ST6GAL1: variants seen among roughly 807,000 people sequenced by gnomAD.
The protein encoded by ST6GAL1 is ST6 beta-galactoside alpha-2,6-sialyltransferase 1, also known as beta-galactoside alpha-2,6-sialyltransferase 1.
A neutral mutation model predicts 38.0 loss-of-function variants in ST6GAL1; 20 were observed. The observed-to-expected ratio is 0.53, with a 90% CI of 0.37 to 0.77. The LOEUF (loss-of-function observed/expected upper bound fraction) is 0.77, where lower values mean the gene tolerates loss of function less well. ST6GAL1 is among the 30% of genes least tolerant of loss of function. The pLI is 0.00. For synonymous variants in ST6GAL1, 196 were observed against 188.2 expected, an observed-to-expected ratio of 1.04 and a Z score of -0.34; for missense variants, 432 against 496.4, an observed-to-expected ratio of 0.87 and a Z score of 1.23.
intron 2 of ST6GAL1, among the ~76,000 whole-genome samples, chr3:186,977,905 C>A (rs1387221678): frequency 1.3e-5 from 2 of 152,104 alleles, no homozygotes; most frequent in Non-Finnish European, 2.9e-5. Context: ...CTTGTTATTG[C>A]CATTTAATAG....
At chr3:186,932,213 C>G (rs537798620) in intron 1 of ST6GAL1, among the ~76,000 whole-genome samples, 4 of 152,158 alleles carry the variant, frequency 2.6e-5, no homozygotes, top group Non-Finnish European at 2.9e-5. Context: ...ATCTAGGGAG[C>G]CTTCTCATTT....
intron 1 of ST6GAL1, among the ~76,000 whole-genome samples, chr3:186,953,472 G>A (rs1283382693): frequency 6.6e-6 from 1 of 152,074 alleles, no homozygotes; most frequent in Non-Finnish European, 1.5e-5. Context: ...TGTCAAACAG[G>A]CCATTTGACA....
chr3:187,068,838 G>A (rs1177435622), intron 5 of ST6GAL1, among the ~76,000 whole-genome samples: 1 of 152,226 alleles, frequency 6.6e-6, no homozygotes, highest in East Asian at 1.9e-4. Context: ...AAGACACTTT[G>A]CTTTTAATAT....
intron 1 of ST6GAL1, 47 bp downstream of exon 1, chr3:186,930,881 G>T: frequency 6.5e-6 from 1 of 153,364 alleles, no homozygotes; most frequent in South Asian, 2.0e-4. Context: ...GGCTATCCCG[G>T]GAGGAGTGTG....
intron 2 of ST6GAL1, among the ~76,000 whole-genome samples, chr3:187,026,196 CA>C (rs895469138): frequency 3.5e-4 from 54 of 152,206 alleles, no homozygotes; most frequent in Non-Finnish European, 8.8e-5. Context: ...CGCTTTTGAG[CA>C]AAACGGTGAC....
intron 2 of ST6GAL1, among the ~76,000 whole-genome samples, chr3:186,991,433 G>A (rs1001395705): frequency 6.6e-6 from 1 of 152,108 alleles, no homozygotes; most frequent in Non-Finnish European, 1.5e-5. Flanking sequence ...CACAGGGAAG[G>A]GTTCCTAACT....
At chr3:187,023,558 A>G (rs1046885592) in intron 2 of ST6GAL1, among the ~76,000 whole-genome samples, 4 of 152,238 alleles carry the variant, frequency 2.6e-5, no homozygotes, top group Non-Finnish European at 4.4e-5. Context: ...TGCAGCCATG[A>G]AAAATGATGA....
intron 2 of ST6GAL1, among the ~76,000 whole-genome samples, chr3:186,993,587 TA>T (rs750824343): frequency 0.13 from 17,036 of 135,868 alleles, 1,090 homozygotes; most frequent in Non-Finnish European, 0.16. Flanking sequence ...TTTATTTATT[TA>T]TTTATTTATT....
At chr3:187,009,818 A>G (rs1716898783) in intron 2 of ST6GAL1, among the ~76,000 whole-genome samples, 1 of 152,072 alleles carries the variant, frequency 6.6e-6, no homozygotes, top group South Asian at 2.1e-4. Flanking sequence ...ACCCTGGCCA[A>G]GATGCTGAAA....
intron 5 of ST6GAL1, among the ~76,000 whole-genome samples, chr3:187,065,495 C>CT (rs1403222148): frequency 6.6e-6 from 1 of 152,144 alleles, no homozygotes; most frequent in African/African-American, 2.4e-5. Flanking sequence ...CCAGGTGTGG[C>CT]TATGAGAGTC....
intron 2 of ST6GAL1, among the ~76,000 whole-genome samples, chr3:186,973,753 C>G (rs1051664067): frequency 1.3e-5 from 2 of 152,154 alleles, no homozygotes; most frequent in African/African-American, 4.8e-5. Context: ...TCATGAACAC[C>G]CAGCTGTAGG....
At chr3:187,069,394 A>C (rs559804068) in intron 5 of ST6GAL1, among the ~76,000 whole-genome samples, 20 of 152,260 alleles carry the variant, frequency 1.3e-4, no homozygotes, top group African/African-American at 4.6e-4. Flanking sequence ...TCATCCTTGA[A>C]CTTCAAATTT....
chr3:187,018,892 A>G (rs1717205222), intron 2 of ST6GAL1, among the ~76,000 whole-genome samples: 1 of 152,214 alleles, frequency 6.6e-6, no homozygotes, highest in Non-Finnish European at 1.5e-5. Flanking sequence ...CAGGGCCTCC[A>G]GAGATCCACC....
At chr3:187,019,016 T>C (rs1042006724) in intron 2 of ST6GAL1, among the ~76,000 whole-genome samples, 1 of 152,214 alleles carries the variant, frequency 6.6e-6, no homozygotes, top group Non-Finnish European at 1.5e-5. Context: ...ATCAACTGAC[T>C]GTGGTAGTCG....
At chr3:186,947,544 CGTTTAT>C (rs1217876674) in intron 1 of ST6GAL1, among the ~76,000 whole-genome samples, 1 of 151,862 alleles carries the variant, frequency 6.6e-6, no homozygotes, top group Non-Finnish European at 1.5e-5. Flanking sequence ...TATACATTTA[CGTTTAT>C]GTTTAGATTG....
At chr3:187,000,292 G>A (rs1392966110) in intron 2 of ST6GAL1, among the ~76,000 whole-genome samples, 2 of 151,904 alleles carry the variant, frequency 1.3e-5, no homozygotes, top group East Asian at 3.9e-4. Flanking sequence ...GCTCACGTCT[G>A]TAATCTCAGC....
At chr3:187,004,313 TG>T in intron 2 of ST6GAL1, among the ~76,000 whole-genome samples, 1 of 152,340 alleles carries the variant, frequency 6.6e-6, no homozygotes, top group South Asian at 2.1e-4. Flanking sequence ...TTTATAGCAA[TG>T]GAAGAACAGA....
At chr3:186,979,545 A>G (rs190380455) in intron 2 of ST6GAL1, among the ~76,000 whole-genome samples, 36 of 152,270 alleles carry the variant, frequency 2.4e-4, no homozygotes, top group African/African-American at 8.7e-4. Context: ...GTCGAAACAG[A>G]GACAGGAGGA....
At chr3:187,073,957 T>C in intron 6 of ST6GAL1, 1 of 447,326 alleles carries the variant, frequency 2.2e-6, no homozygotes, top group Non-Finnish European at 3.9e-6. Flanking sequence ...GCACAGGCTA[T>C]AGGCTAGGCC....
Sources: gnomAD v4.1 joint callset for allele counts (sites outside exome capture counted in the v4.1 genomes callset) on GRCh38, gnomAD v4.1.1 for gene constraint, MANE v1.5 for transcripts, NCBI Gene and HGNC (gene_info 2026-07-23, HGNC 2026-07-21) for gene names.